Variants in CELF2 observed in about 807,000 individuals in gnomAD.
The protein encoded by CELF2 is CUG triplet repeat RNA-binding protein 2.
Under a neutral mutation model 62.6 loss-of-function variants are expected in CELF2, and 8 were observed. That is an observed-to-expected ratio of 0.13 (90% confidence interval 0.07 to 0.23). The LOEUF is 0.23. Among genes scored for constraint, CELF2 ranks in the 10% least tolerant of loss-of-function variants. The pLI, the probability that CELF2 is intolerant of heterozygous loss-of-function variation, is 1.00. For synonymous variants in CELF2, 258 were observed against 250.0 expected (o/e 1.03, Z -0.30); for missense variants, 333 against 671.0 (o/e 0.50, Z 5.56).
intron 2 of CELF2, among the ~76,000 whole-genome samples, chr10:10,925,664 C>A (rs1643478476): frequency 6.6e-6 from 1 of 152,162 alleles, no homozygotes; most frequent in Non-Finnish European, 1.5e-5. Flanking sequence ...CCCGAACCAA[C>A]CTTCTGAGCA....
At chr10:11,087,622 T>C (rs2141772466) in intron 1 of CELF2, among the ~76,000 whole-genome samples, 1 of 152,232 alleles carries the variant, frequency 6.6e-6, no homozygotes, top group East Asian at 1.9e-4. Flanking sequence ...ACACATCACA[T>C]TTATGACAGG....
chr10:11,172,703 G>A (rs1055760065), intron 2 of CELF2, among the ~76,000 whole-genome samples: 2 of 152,174 alleles, frequency 1.3e-5, no homozygotes, highest in Admixed American at 6.5e-5. Context: ...GAAGGGGAAG[G>A]AGGGAGACAA....
rs1436509876 is a variant in CELF2, at chr10:11,334,436, C to T, written c.*5383C>T. The stretch of plus-strand genomic sequence containing the variant: ...TACATCTGCACACCTCACTGTTTCA[C>T]GTATCTGTTTTTTTCTCTATGTTGT... On this transcript the variant is annotated 3_prime_UTR_variant, in exon 13 of 13. Coordinates refer to ENST00000633077, the MANE Select transcript of CELF2 (RefSeq NM_001326342.2). 3 of 152,636 alleles carry T rather than the reference C, an allele frequency of 2.0e-5. No homozygotes were observed. Among genetic ancestry groups the T allele is most frequent in the Non-Finnish European group, 2.9e-5 (2 of 68,042 alleles). The allele number at this position is 152,636 out of a possible 1,614,324, so 9.5% of individuals were successfully genotyped here.
chr10:11,213,246 T>TG (rs2062402746), intron 2 of CELF2, among the ~76,000 whole-genome samples: 1 of 152,194 alleles, frequency 6.6e-6, no homozygotes, highest in South Asian at 2.1e-4. Context: ...GTTGTAGATG[T>TG]GTGACTACCC....
chr10:10,931,722 AC>A lies in CELF2; in HGVS notation c.89+11725del, dbSNP rs754237936. On this transcript the variant is annotated intron_variant, in intron 2 of 13. Coordinates refer to the CELF2 transcript ENST00000636488. This position sits in a 1 kb window ranked among gnomAD's most constrained non-coding sequence, Gnocchi z 6.1. The stretch of plus-strand genomic sequence containing the variant: ...AGATGCTTATGGACACCACAATGAA[AC>A]CTTAAAATGAATCTCTTGATAATAG... Among the ~76,000 whole-genome samples, 2 of 152,184 alleles carry A rather than the reference AC, an allele frequency of 1.3e-5. No individual in the cohort carries two copies. The highest frequency in any genetic ancestry group is 3.8e-4 in the East Asian group (2 of 5,198).
rs11819684 is a variant in CELF2, at chr10:10,867,939, C to T, written c.54-52025C>T. On this transcript the variant is annotated intron_variant, in intron 1 of 13. Coordinates refer to the CELF2 transcript ENST00000636488. ...CCCTTTCTTAAACCCACTCTCCCAT[C>T]CTTCTTTCTTTCTTACCAAATGATA... 4.4e-3 allele frequency among the ~76,000 whole-genome samples: 673 copies of T among 152,330 alleles called. 5 individuals carry two copies. The highest frequency in any genetic ancestry group is 0.016 in the African/African-American group (648 of 41,562).
chr10:10,647,838 G>C, the CELF2 span, among the ~76,000 whole-genome samples: 1 of 152,164 alleles, frequency 6.6e-6, no homozygotes, highest in African/African-American at 2.4e-5. Context: ...CCATGGGCCT[G>C]TCATCGCAGT....
the CELF2 span, among the ~76,000 whole-genome samples, chr10:10,512,401 C>CTTTTTT: frequency 1.7e-4 from 19 of 109,146 alleles, no homozygotes; most frequent in Non-Finnish European, 2.8e-4. Flanking sequence ...TTTTGGAACG[C>CTTTTTT]TTTTTTTTTT....
chr10:10,651,236 G>T, the CELF2 span, among the ~76,000 whole-genome samples: 51 of 131,524 alleles, frequency 3.9e-4, 2 homozygotes, highest in African/African-American at 1.3e-3. Context: ...ACAGAATCTC[G>T]CTGATTGCTA....
At chr10:10,943,899 G>T (rs1386597447) in intron 2 of CELF2, among the ~76,000 whole-genome samples, 1 of 152,050 alleles carries the variant, frequency 6.6e-6, no homozygotes, top group Non-Finnish European at 1.5e-5. Context: ...ACCACACTCA[G>T]CCCCAAGATT....
At chr10:10,762,596 G>C in the CELF2 span, among the ~76,000 whole-genome samples, 1 of 152,178 alleles carries the variant, frequency 6.6e-6, no homozygotes, top group African/African-American at 2.4e-5. Context: ...GAATCCACTA[G>C]GCAAGCATAA....
Position 11,314,464 on chromosome 10 carries a change from A to C in CELF2, c.1096+206A>C. ...ATCCCCAACCACTCTCCACCCCCAG[A>C]TTCTCTTCAGTGTGTAGCACAGCGC... On this transcript the variant is annotated intron_variant, in intron 10 of 12. Transcript: ENST00000633077. This position sits in a 1 kb window ranked among gnomAD's most constrained non-coding sequence, Gnocchi z 5.3. 1.5e-6 allele frequency: 1 copy of C among 663,364 alleles called. No homozygotes were observed. The highest frequency in any genetic ancestry group is 1.7e-5 in the South Asian group (1 of 60,544). The allele number at this position is 663,364 out of a possible 1,614,324, so 41.1% of individuals were successfully genotyped here.
chr10:10,828,278 T>A (rs7069558), intron 1 of CELF2, among the ~76,000 whole-genome samples: 1 of 151,958 alleles, frequency 6.6e-6, no homozygotes, highest in African/African-American at 2.4e-5. Context: ...CATCAACAGG[T>A]GAATAGATAA....
In CELF2 at chr10:10,998,457, C is replaced by T. The variant is rs146277079; in HGVS notation, c.89+78458C>T. Among the ~76,000 whole-genome samples, 925 of 152,284 alleles carry T rather than the reference C, an allele frequency of 6.1e-3. 5 individuals are homozygous for T. The highest frequency in any genetic ancestry group is 0.011 in the Non-Finnish European group (734 of 68,028). ...AGTAAAAGTAATGCTTACTTTCTAC[C>T]ACTGCAATGTAAAATAAAATTTAAT... On this transcript the variant is annotated intron_variant, in intron 2 of 13. Coordinates refer to the CELF2 transcript ENST00000636488.
the CELF2 span, among the ~76,000 whole-genome samples, chr10:10,676,050 A>G: frequency 6.6e-6 from 1 of 152,146 alleles, no homozygotes; most frequent in Admixed American, 6.5e-5. Context: ...TACTGGGAAG[A>G]GGAACTGCTG....
At chr10:10,952,019 G>A (rs186450891) in intron 2 of CELF2, 164 of 152,404 alleles carry the variant, frequency 1.1e-3, no homozygotes, top group African/African-American at 3.9e-3. Context: ...TATGATCCCA[G>A]AGAGAGGGGA....
Position 11,321,507 on chromosome 10 carries a change from G to A in CELF2, c.1294+121G>A. 1 of 738,456 alleles carries A rather than the reference G, an allele frequency of 1.4e-6. No homozygotes were observed. The highest frequency in any genetic ancestry group is 2.1e-6 in the Non-Finnish European group (1 of 485,864). The allele number at this position is 738,456 out of a possible 1,614,324, so 45.7% of individuals were successfully genotyped here. Reference sequence around the variant, plus strand: ...TGTCATAACAGAAAGCAGTTGTTTTGTTATTCATGTTTAAAAAAAAAAAAA... The same window carrying A: ...TGTCATAACAGAAAGCAGTTGTTTTATTATTCATGTTTAAAAAAAAAAAAA... On this transcript the variant is annotated intron_variant, in intron 11 of 12. Coordinates refer to ENST00000633077, the MANE Select transcript of CELF2 (RefSeq NM_001326342.2). The surrounding 1 kb of genome is among the most constrained non-coding windows in gnomAD (Gnocchi z 6.2).
chr10:11,298,665 C>T (rs776762313), intron 9 of CELF2, among the ~76,000 whole-genome samples: 2 of 151,664 alleles, frequency 1.3e-5, no homozygotes, highest in East Asian at 3.8e-4. Flanking sequence ...CTAATACTCA[C>T]TTTTCTTGTG....
intron 1 of CELF2, among the ~76,000 whole-genome samples, chr10:10,891,087 G>GT (rs1015342285): frequency 1.4e-4 from 22 of 152,106 alleles, no homozygotes; most frequent in African/African-American, 5.1e-4. Context: ...ATTCAGTGGA[G>GT]TTTTTTTCAT....
Sources: gnomAD v4.1 joint callset for allele counts (sites outside exome capture counted in the v4.1 genomes callset) on GRCh38, gnomAD v4.1.1 for gene constraint, Gnocchi (gnomAD v3.1) non-coding constraint, MANE v1.5 for transcripts, NCBI Gene and HGNC (gene_info 2026-07-23, HGNC 2026-07-21) for gene names.